The following SLC9A9 variants were observed in gnomAD, a reference collection of about 807,000 sequenced individuals.
SLC9A9 encodes sodium/hydrogen exchanger 9.
In SLC9A9, 62 loss-of-function variants were observed where a neutral mutation model predicts 77.8. The ratio of observed to expected loss-of-function variants is 0.80; its 90% CI spans 0.65 to 0.98. The LOEUF (loss-of-function observed/expected upper bound fraction) is 0.98. SLC9A9 is among the 50% of genes least tolerant of loss of function. SLC9A9 has a pLI of 0.00. For missense variants in SLC9A9, 775 were observed against 774.9 expected (o/e 1.00, Z 0.00); for synonymous variants, 320 against 283.5 (o/e 1.13, Z -1.29).
At chr3:143,293,705 C>T (rs983108503) in intron 14 of SLC9A9, among the ~76,000 whole-genome samples, 2 of 152,092 alleles carry the variant, frequency 1.3e-5, no homozygotes, top group South Asian at 2.1e-4. Flanking sequence ...TCTTATTTGG[C>T]CTGGAATTGG....
intron 4 of SLC9A9, among the ~76,000 whole-genome samples, chr3:143,746,000 C>A (rs1335883621): frequency 6.6e-6 from 1 of 152,186 alleles, no homozygotes; most frequent in African/African-American, 2.4e-5. Context: ...CAGGAATCAG[C>A]TCTGAGTTTC....
At chr3:143,387,127 C>G (rs2033445771) in intron 12 of SLC9A9, among the ~76,000 whole-genome samples, 1 of 152,182 alleles carries the variant, frequency 6.6e-6, no homozygotes, top group South Asian at 2.1e-4. Context: ...AGGTGTGAGC[C>G]ACTGTGCCTC....
chr3:143,518,187 T>G, intron 9 of SLC9A9: 2 of 1,599,226 alleles, frequency 1.3e-6, no homozygotes, highest in East Asian at 4.5e-5. Context: ...TCCTTACACA[T>G]TTTCACAAAG....
intron 6 of SLC9A9, among the ~76,000 whole-genome samples, chr3:143,588,204 G>A (rs1287490616): frequency 6.6e-6 from 1 of 152,158 alleles, no homozygotes. Flanking sequence ...TCATGCCCTA[G>A]AGAGTTATAA....
chr3:143,798,835 G>T (rs182362423), intron 2 of SLC9A9, among the ~76,000 whole-genome samples: 3 of 151,966 alleles, frequency 2.0e-5, no homozygotes, highest in Admixed American at 6.6e-5. Flanking sequence ...TTTCCCTCCC[G>T]CCTGTCCCCT....
rs139281103 is a variant in SLC9A9, at chr3:143,839,704, C to G, written c.176-7483G>C. 1.6e-4 allele frequency among the ~76,000 whole-genome samples: 24 copies of G among 152,320 alleles called. No homozygotes were observed. In the South Asian group the frequency reaches 1.7e-3, roughly 11 times the overall value. ...ATAATAGATAACTTTTCTTTAGAAA[C>G]TATCTCAGCCATCAGCTTATATATA... On this transcript the variant is annotated intron_variant, in intron 1 of 15. Coordinates refer to ENST00000316549, the MANE Select transcript of SLC9A9 (RefSeq NM_173653.4).
At chr3:143,378,915 A>C (rs2033240009) in intron 13 of SLC9A9, among the ~76,000 whole-genome samples, 1 of 152,182 alleles carries the variant, frequency 6.6e-6, no homozygotes, top group Admixed American at 6.5e-5. Flanking sequence ...GTATGGCAAA[A>C]AGGAAAGTTG....
rs1488183610 is a variant in SLC9A9, at chr3:143,717,232, G to A, written c.534-23925C>T. 3.3e-5 allele frequency among the ~76,000 whole-genome samples: 5 copies of A among 152,300 alleles called. No homozygotes were observed. The East Asian group carries it at 9.7e-4, about 29-fold the overall frequency. ...ATTCAGTAGATCTGTTGGGGAGGCA[G>A]GTGCTGAGATTATGAATTCTAATAC... On this transcript the variant is annotated intron_variant, in intron 4 of 15. Transcript: ENST00000316549.
chr3:143,408,493 A>G (rs888534348), intron 12 of SLC9A9, among the ~76,000 whole-genome samples: 6 of 152,252 alleles, frequency 3.9e-5, no homozygotes, highest in African/African-American at 1.4e-4. Context: ...GTCACCAAAG[A>G]AAGCATGAAG....
chr3:143,407,946 G>A (rs1021684788), intron 12 of SLC9A9, among the ~76,000 whole-genome samples: 4 of 152,282 alleles, frequency 2.6e-5, no homozygotes, highest in Admixed American at 2.6e-4. Context: ...TCACAGTTCT[G>A]AGGATTGGGA....
At chr3:143,429,762 G>GC (rs2034475963) in intron 12 of SLC9A9, among the ~76,000 whole-genome samples, 2 of 79,636 alleles carry the variant, frequency 2.5e-5, no homozygotes, top group African/African-American at 1.5e-4. Context: ...CTAGTCCTCA[G>GC]AGCGTGTGTA....
intron 12 of SLC9A9, among the ~76,000 whole-genome samples, chr3:143,453,383 C>A (rs570750242): frequency 7.9e-5 from 12 of 152,076 alleles, no homozygotes; most frequent in Admixed American, 7.2e-4. Context: ...TACCTAAACC[C>A]AGTAAAGATA....
chr3:143,537,553 TTGAC>T (rs1180814306), intron 9 of SLC9A9, among the ~76,000 whole-genome samples: 1 of 152,248 alleles, frequency 6.6e-6, no homozygotes, highest in Non-Finnish European at 1.5e-5. Context: ...AGCTCCATCT[TTGAC>T]TGTCTGTCTT....
chr3:143,795,531 A>T (rs1388165147), intron 3 of SLC9A9, among the ~76,000 whole-genome samples: 1 of 152,174 alleles, frequency 6.6e-6, no homozygotes, highest in African/African-American at 2.4e-5. Context: ...TGGATGTCTG[A>T]CTTCTCTTTT....
chr3:143,542,455 C>T (rs979418669), intron 9 of SLC9A9, among the ~76,000 whole-genome samples: 76 of 152,170 alleles, frequency 5.0e-4, no homozygotes, highest in African/African-American at 1.7e-3. Context: ...TCTCTCTCCA[C>T]TGTGCCTTGG....
At chr3:143,570,529 C>T (rs1210230011) in intron 8 of SLC9A9, among the ~76,000 whole-genome samples, 1 of 152,032 alleles carries the variant, frequency 6.6e-6, no homozygotes, top group African/African-American at 2.4e-5. Flanking sequence ...ATATCTCTAG[C>T]TATACAGATT....
intron 5 of SLC9A9, among the ~76,000 whole-genome samples, chr3:143,652,701 C>T (rs1327871392): frequency 6.6e-6 from 1 of 151,192 alleles, no homozygotes; most frequent in Non-Finnish European, 1.5e-5. Context: ...TTCTTAACTA[C>T]CTTTGCATTT....
intron 4 of SLC9A9, among the ~76,000 whole-genome samples, chr3:143,725,433 A>G (rs1333632971): frequency 6.6e-6 from 1 of 152,050 alleles, no homozygotes; most frequent in Non-Finnish European, 1.5e-5. Context: ...AGACACATGC[A>G]CACGTATGTT....
intron 6 of SLC9A9, among the ~76,000 whole-genome samples, chr3:143,593,237 T>G (rs913761475): frequency 6.6e-6 from 1 of 151,998 alleles, no homozygotes; most frequent in Non-Finnish European, 1.5e-5. Flanking sequence ...TGGCAGAGAG[T>G]GAGGACTGCT....
Sources: gnomAD v4.1 joint callset for allele counts (sites outside exome capture counted in the v4.1 genomes callset) on GRCh38, gnomAD v4.1.1 for gene constraint, MANE v1.5 for transcripts, NCBI Gene and HGNC (gene_info 2026-07-23, HGNC 2026-07-21) for gene names.